The following ATP1B3 variants were observed in gnomAD, a reference collection of about 807,000 sequenced individuals.
ATP1B3 encodes sodium/potassium-transporting ATPase subunit beta-3.
Under a neutral mutation model 30.2 loss-of-function variants are expected in ATP1B3, and 10 were observed. That is an observed-to-expected ratio of 0.33 (90% CI 0.20 to 0.56). ATP1B3 has a LOEUF of 0.56. ATP1B3 is among the 20% of genes least tolerant of loss of function. ATP1B3 has a pLI of 0.90. For synonymous variants in ATP1B3, 113 were observed against 117.0 expected, an observed-to-expected ratio of 0.97 and a Z score of 0.22; for missense variants, 238 against 336.7, an observed-to-expected ratio of 0.71 and a Z score of 2.29.
intron 4 of ATP1B3, among the ~76,000 whole-genome samples, 182 bp downstream of exon 4, chr3:141,914,018 C>CA (rs3214585): frequency 0.09 from 13,541 of 150,950 alleles, 750 homozygotes; most frequent in East Asian, 0.16. Context: ...GTTTATATGG[C>CA]AAAAAAAAGA....
intron 1 of ATP1B3, among the ~76,000 whole-genome samples, chr3:141,896,935 C>G (rs780103402): frequency 5.3e-5 from 8 of 152,070 alleles, no homozygotes; most frequent in Non-Finnish European, 1.2e-4. Flanking sequence ...TTAGACTTTC[C>G]TATTACAACA....
chr3:141,893,702 G>A (rs1348800940), intron 1 of ATP1B3, among the ~76,000 whole-genome samples: 1 of 152,138 alleles, frequency 6.6e-6, no homozygotes, highest in East Asian at 1.9e-4. Flanking sequence ...ATATGTGTGT[G>A]CATATGCTGT....
chr3:141,917,011 C>A (rs1218601585), intron 5 of ATP1B3, among the ~76,000 whole-genome samples: 5 of 137,400 alleles, frequency 3.6e-5, no homozygotes, highest in Non-Finnish European at 6.1e-5. Context: ...CAGGCGCTCC[C>A]GGCTAATTTT....
rs144375432 is a variant in ATP1B3, at chr3:141,877,918, G to T, written c.109+1008G>T. On this transcript the variant is annotated intron_variant, in intron 1 of 6. Coordinates refer to ENST00000286371, the MANE Select transcript of ATP1B3 (RefSeq NM_001679.4). ...AACATTTTGTTAGTGGGTCTTGAAA[G>T]ACCATTTCTTTCTGAGTGGGAATAA... 3.3e-5 allele frequency among the ~76,000 whole-genome samples: 5 copies of T among 150,174 alleles called. No homozygotes were observed. The East Asian group carries it at 9.9e-4, about 30-fold the overall frequency.
intron 1 of ATP1B3, among the ~76,000 whole-genome samples, chr3:141,885,799 A>C (rs1933817881): frequency 1.3e-5 from 2 of 152,096 alleles, no homozygotes; most frequent in Non-Finnish European, 2.9e-5. Flanking sequence ...GAAGCACCAG[A>C]TGAAGATCTT....
At chr3:141,878,240 G>A (rs1392142653) in intron 1 of ATP1B3, among the ~76,000 whole-genome samples, 1 of 152,196 alleles carries the variant, frequency 6.6e-6, no homozygotes, top group Non-Finnish European at 1.5e-5. Flanking sequence ...TAGTCCAGCG[G>A]TTGTATTATT....
At chr3:141,890,414 T>A (rs1436114140) in intron 1 of ATP1B3, among the ~76,000 whole-genome samples, 1 of 146,160 alleles carries the variant, frequency 6.8e-6, no homozygotes, top group East Asian at 2.2e-4. Flanking sequence ...GTGATTCTCC[T>A]GCCTCAGCCT....
chr3:141,895,453 G>A (rs368098304), intron 1 of ATP1B3, among the ~76,000 whole-genome samples: 1 of 152,046 alleles, frequency 6.6e-6, no homozygotes, highest in African/African-American at 2.4e-5. Context: ...GCCTCTCAAA[G>A]TACTGGGATT....
intron 1 of ATP1B3, among the ~76,000 whole-genome samples, chr3:141,900,040 A>T (rs987362654): frequency 9.3e-5 from 14 of 150,274 alleles, no homozygotes; most frequent in Non-Finnish European, 1.6e-4. Flanking sequence ...CAAAAAAAAA[A>T]TTTTTTTTTT....
At chr3:141,896,072 C>A (rs1934059290) in intron 1 of ATP1B3, among the ~76,000 whole-genome samples, 1 of 152,130 alleles carries the variant, frequency 6.6e-6, no homozygotes, top group Non-Finnish European at 1.5e-5. Flanking sequence ...GTGTCTTGGA[C>A]TGGGTGCGGT....
At position 141,885,693 on chromosome 3, in the gene ATP1B3, C is replaced by G. The variant is rs112094203; in HGVS notation, c.109+8783C>G. Among the ~76,000 whole-genome samples, 1,047 of 152,242 alleles carry G rather than the reference C, an allele frequency of 6.9e-3. 11 individuals are homozygous for G. Among genetic ancestry groups the G allele is most frequent in the African/African-American group, 0.024 (990 of 41,556 alleles). On this transcript the variant is annotated intron_variant, in intron 1 of 6. Transcript: ENST00000286371. ...GAACTCTTGACCTCAGGTGATCTGT[C>G]TGCCTCAGCCTCCCAAAGTGCTGGG...
intron 1 of ATP1B3, among the ~76,000 whole-genome samples, chr3:141,880,001 A>C (rs1192402727): frequency 6.6e-6 from 1 of 150,798 alleles, no homozygotes; most frequent in Non-Finnish European, 1.5e-5. Flanking sequence ...AGTTGCTAGG[A>C]CTCCTGGTGT....
intron 3 of ATP1B3, among the ~76,000 whole-genome samples, chr3:141,912,512 C>T (rs879379650): frequency 6.6e-6 from 1 of 152,102 alleles, no homozygotes; most frequent in Non-Finnish European, 1.5e-5. Flanking sequence ...CCACCCGCCT[C>T]GGCCTCCCAA....
chr3:141,883,848 A>G (rs959061190), intron 1 of ATP1B3, among the ~76,000 whole-genome samples: 1 of 152,012 alleles, frequency 6.6e-6, no homozygotes, highest in African/African-American at 2.4e-5. Context: ...TAGAGTACTG[A>G]TGGGTTTTCA....
intron 1 of ATP1B3, among the ~76,000 whole-genome samples, chr3:141,889,385 A>G (rs1454823122): frequency 1.3e-5 from 2 of 152,030 alleles, no homozygotes; most frequent in Non-Finnish European, 2.9e-5. Context: ...TTTATCTAGG[A>G]TAAACTGAGA....
chr3:141,876,753 C>A lies in ATP1B3; in HGVS notation c.-49C>A. 6.8e-7 allele frequency: 1 copy of A among 1,480,266 alleles called. No homozygotes were observed. The highest frequency in any genetic ancestry group is 1.2e-5 in the South Asian group (1 of 85,884). 91.7% of individuals were successfully genotyped at this position (1,480,266 alleles called of 1,614,324 possible). A position where few individuals can be genotyped will look rare whatever the true frequency, so the allele number is the denominator to read the frequency against. On this transcript the variant is annotated 5_prime_UTR_variant, in exon 1 of 7. Transcript: ENST00000286371. The stretch of plus-strand genomic sequence containing the variant: ...CGGGACGCGCCTCCGCAGCCCTCGC[C>A]GCCTCCATCCCCGCGGCCGCAGCTC...
intron 1 of ATP1B3, among the ~76,000 whole-genome samples, chr3:141,883,233 AT>A (rs757982403): frequency 5.3e-5 from 8 of 152,134 alleles, no homozygotes; most frequent in Non-Finnish European, 1.2e-4. Context: ...CTTGCCTGTA[AT>A]CCCAGCACTT....
chr3:141,915,752 T>A (rs1934450874), intron 4 of ATP1B3, among the ~76,000 whole-genome samples: 1 of 152,242 alleles, frequency 6.6e-6, no homozygotes, highest in African/African-American at 2.4e-5. Context: ...ATTTATTTTC[T>A]AAATTGCCCC....
chr3:141,916,946 C>T (rs1266026096), intron 5 of ATP1B3, among the ~76,000 whole-genome samples: 2 of 151,886 alleles, frequency 1.3e-5, no homozygotes, highest in African/African-American at 2.4e-5. Context: ...CTGCAAGCTC[C>T]GCCTCCCGGG....
Sources: gnomAD v4.1 joint callset for allele counts (sites outside exome capture counted in the v4.1 genomes callset) on GRCh38, gnomAD v4.1.1 for gene constraint, MANE v1.5 for transcripts, NCBI Gene and HGNC (gene_info 2026-07-23, HGNC 2026-07-21) for gene names.